PRKD1: variants seen among roughly 807,000 people sequenced by gnomAD.
The protein encoded by PRKD1 is protein kinase D1.
Under a neutral mutation model 95.9 loss-of-function variants are expected in PRKD1, and 63 were observed. The ratio of observed to expected loss-of-function variants is 0.66; its 90% CI spans 0.54 to 0.81. The LOEUF (loss-of-function observed/expected upper bound fraction) is 0.81, where lower values mean the gene tolerates loss of function less well. PRKD1 is among the 30% of genes least tolerant of loss of function. PRKD1 has a pLI of 0.00. For missense variants in PRKD1, 1,048 were observed against 1,165.3 expected (o/e 0.90, Z 1.47); for synonymous variants, 425 against 423.1 (o/e 1.00, Z -0.05).
At chr14:29,811,744 A>G (rs1302985621) in intron 1 of PRKD1, among the ~76,000 whole-genome samples, 1 of 152,138 alleles carries the variant, frequency 6.6e-6, no homozygotes, top group Non-Finnish European at 1.5e-5. Context: ...CTGAACCAAG[A>G]CTTCAAGTCT....
intron 9 of PRKD1, 107 bp from the exon 10 acceptor site, chr14:29,631,128 T>C (rs980901049): frequency 1.1e-5 from 12 of 1,092,388 alleles, no homozygotes; most frequent in Non-Finnish European, 1.3e-5. Flanking sequence ...ATAGCCACCA[T>C]TTAAATAAAA....
At chr14:29,797,112 G>A (rs1889850834) in intron 1 of PRKD1, among the ~76,000 whole-genome samples, 1 of 152,084 alleles carries the variant, frequency 6.6e-6, no homozygotes. Flanking sequence ...CATTAGACCA[G>A]ACCTACGATA....
At chr14:29,795,114 T>G (rs1395391730) in intron 1 of PRKD1, among the ~76,000 whole-genome samples, 1 of 152,100 alleles carries the variant, frequency 6.6e-6, no homozygotes, top group Admixed American at 6.6e-5. Context: ...ATATTACTCT[T>G]AAACATTTTC....
chr14:29,884,216 T>C (rs1466312466), intron 1 of PRKD1, among the ~76,000 whole-genome samples: 1 of 152,220 alleles, frequency 6.6e-6, no homozygotes, highest in Non-Finnish European at 1.5e-5. Context: ...ATGAATGCAA[T>C]TTGTATACAA....
intron 1 of PRKD1, among the ~76,000 whole-genome samples, chr14:29,924,197 A>C (rs1014827538): frequency 6.6e-6 from 1 of 152,222 alleles, no homozygotes; most frequent in African/African-American, 2.4e-5. Flanking sequence ...GTTACATACA[A>C]AAAAGCAAGA....
intron 4 of PRKD1, among the ~76,000 whole-genome samples, chr14:29,643,347 A>G (rs888070932): frequency 6.6e-6 from 1 of 152,228 alleles, no homozygotes; most frequent in African/African-American, 2.4e-5. Flanking sequence ...GAAGCCAGGA[A>G]TAGAAATTAA....
intron 1 of PRKD1, among the ~76,000 whole-genome samples, chr14:29,771,834 G>T (rs577758877): frequency 6.6e-6 from 1 of 152,218 alleles, no homozygotes; most frequent in Admixed American, 6.5e-5. Context: ...AATCTAAGAA[G>T]ATTATTCACA....
intron 16 of PRKD1, among the ~76,000 whole-genome samples, chr14:29,593,566 C>T (rs1036431738): frequency 6.6e-6 from 1 of 152,170 alleles, no homozygotes; most frequent in Non-Finnish European, 1.5e-5. Flanking sequence ...GAGAGATGAT[C>T]CCTTTTCCAT....
At chr14:29,764,129 T>C (rs1003976240) in intron 1 of PRKD1, among the ~76,000 whole-genome samples, 19 of 152,220 alleles carry the variant, frequency 1.2e-4, no homozygotes, top group African/African-American at 2.2e-4. Flanking sequence ...ATCCTAGAGA[T>C]AGACTCAGTC....
At chr14:29,665,444 A>T (rs2139216775) in intron 3 of PRKD1, among the ~76,000 whole-genome samples, 1 of 152,200 alleles carries the variant, frequency 6.6e-6, no homozygotes, top group East Asian at 1.9e-4. Context: ...CTGTGTACCC[A>T]CAGATTAGCT....
At chr14:29,590,068 G>C (rs549178543) in intron 16 of PRKD1, among the ~76,000 whole-genome samples, 1 of 152,106 alleles carries the variant, frequency 6.6e-6, no homozygotes, top group Non-Finnish European at 1.5e-5. Context: ...GTGAGACTAA[G>C]TCTTTGGAAA....
rs747063429 is a variant in PRKD1, at chr14:29,630,986, T to C, written c.1428A>G (p.Pro476=). 6.2e-7 allele frequency: 1 copy of C among 1,612,968 alleles called. No homozygotes were observed. Among genetic ancestry groups the C allele is most frequent in the South Asian group, 1.1e-5 (1 of 90,998 alleles). ...IPLSEILSLE[P]VKTSALIPNG... ...TAGGAATTAAAGCTGAAGTTTTTACTGGTTCCAGAGACAAAATTTCAGATA... is the reference window on the plus strand; with the variant it reads ...TAGGAATTAAAGCTGAAGTTTTTACCGGTTCCAGAGACAAAATTTCAGATA... Residue 476 remains proline (P), a synonymous_variant, in exon 10 of 18, where the codon CCA becomes CCG. Transcript: ENST00000331968.
chr14:29,755,107 TA>T (rs1344588799), intron 1 of PRKD1, among the ~76,000 whole-genome samples: 1 of 152,188 alleles, frequency 6.6e-6, no homozygotes, highest in Non-Finnish European at 1.5e-5. Context: ...TATTGATTTC[TA>T]AAAGTTGATC....
chr14:29,842,115 G>C (rs1218625571), intron 1 of PRKD1, among the ~76,000 whole-genome samples: 6 of 152,260 alleles, frequency 3.9e-5, no homozygotes, highest in African/African-American at 1.2e-4. Flanking sequence ...CATGCATGGA[G>C]ATGTCATCTT....
At chr14:29,675,750 C>T (rs962901155) in intron 2 of PRKD1, among the ~76,000 whole-genome samples, 2 of 151,942 alleles carry the variant, frequency 1.3e-5, no homozygotes, top group African/African-American at 4.8e-5. Flanking sequence ...CAATGATAGA[C>T]TGGATTAAGA....
In PRKD1 at chr14:29,734,028, C is replaced by CTTTTTTTTTTTTTTT. The variant is rs58908662; in HGVS notation, c.265-8369_265-8355dup. On this transcript the variant is annotated intron_variant, in intron 1 of 17. Coordinates refer to ENST00000331968, the MANE Select transcript of PRKD1 (RefSeq NM_002742.3). Reference sequence around the variant, plus strand: ...CTGGTTTTGAGTCATACTTTCCTGCCTTTTTTTTTTTTTTTTTTTTTTTTT... The same window carrying CTTTTTTTTTTTTTTT: ...CTGGTTTTGAGTCATACTTTCCTGCCTTTTTTTTTTTTTTTTTTTTTTTTTTTTTTTTTTTTTTTT... Among the ~76,000 whole-genome samples the CTTTTTTTTTTTTTTT allele has an allele frequency of 5.7e-4, 37 of 64,670 alleles. 5 individuals carry two copies. The highest frequency in any genetic ancestry group is 1.6e-3 in the African/African-American group (21 of 12,728). 42.4% of individuals were successfully genotyped at this position (64,670 alleles called of 152,430 possible). A position where few individuals can be genotyped will look rare whatever the true frequency, so the allele number is the denominator to read the frequency against.
intron 2 of PRKD1, among the ~76,000 whole-genome samples, chr14:29,712,054 G>A (rs561437783): frequency 9.9e-5 from 15 of 152,060 alleles, no homozygotes; most frequent in South Asian, 2.1e-4. Context: ...TCCAACTTTC[G>A]TTTCAGAACA....
intron 1 of PRKD1, among the ~76,000 whole-genome samples, chr14:29,807,728 C>CT (rs989596413): frequency 2.0e-3 from 291 of 146,884 alleles, no homozygotes; most frequent in East Asian, 4.2e-3. Flanking sequence ...TTTTCTTTTC[C>CT]TTTTTTTTTT....
chr14:29,840,481 C>A (rs1182820121), intron 1 of PRKD1, among the ~76,000 whole-genome samples: 2 of 152,306 alleles, frequency 1.3e-5, no homozygotes, highest in East Asian at 3.9e-4. Context: ...ACTGTTTCAA[C>A]CTCTGCCTGT....
Sources: allele counts gnomAD v4.1 joint callset (sites outside exome capture counted in the v4.1 genomes callset), GRCh38; gene constraint gnomAD v4.1.1; transcripts MANE v1.5; gene names NCBI Gene and HGNC (gene_info 2026-07-23, HGNC 2026-07-21).